KALRN: variants seen among roughly 807,000 people sequenced by gnomAD.
KALRN encodes kalirin RhoGEF kinase, also known as kalirin.
In KALRN, 70 loss-of-function variants were observed where a neutral mutation model predicts 353.7. The observed-to-expected ratio is 0.20, with a 90% CI of 0.16 to 0.24. The LOEUF (loss-of-function observed/expected upper bound fraction) is 0.24, where lower values mean the gene tolerates loss of function less well. KALRN is among the 10% of genes least tolerant of loss of function. The pLI is 1.00. For synonymous variants in KALRN, 1,391 were observed against 1,434.8 expected (o/e 0.97, Z 0.69); for missense variants, 2,791 against 3,756.7 (o/e 0.74, Z 6.72).
chr3:124,671,326 G>A (rs372026060), intron 47 of KALRN, among the ~76,000 whole-genome samples: 10 of 151,886 alleles, frequency 6.6e-5, no homozygotes, highest in East Asian at 3.9e-4. Flanking sequence ...TGTTCCCCTC[G>A]CCAACACGTC....
At chr3:124,579,991 A>G (rs944797827) in intron 34 of KALRN, among the ~76,000 whole-genome samples, 2 of 152,194 alleles carry the variant, frequency 1.3e-5, no homozygotes, top group Non-Finnish European at 2.9e-5. Flanking sequence ...GGTTCCTCAA[A>G]GACAAGTCAA....
At chr3:124,225,662 A>G (rs1296762804) in intron 1 of KALRN, among the ~76,000 whole-genome samples, 1 of 152,176 alleles carries the variant, frequency 6.6e-6, no homozygotes, top group Non-Finnish European at 1.5e-5. Flanking sequence ...GATGGATGAG[A>G]CTTGGAGCTT....
chr3:124,167,575 A>G (rs16835138), intron 1 of KALRN, among the ~76,000 whole-genome samples: 3,310 of 152,332 alleles, frequency 0.022, 110 homozygotes, highest in African/African-American at 0.075. Flanking sequence ...GAAGTGATCA[A>G]CATTCAAACT....
intron 34 of KALRN, among the ~76,000 whole-genome samples, chr3:124,597,766 GT>G (rs1275560391): frequency 6.7e-6 from 1 of 149,360 alleles, no homozygotes; most frequent in East Asian, 2.0e-4. Context: ...TGGAGCTATT[GT>G]TTTGAAATGA....
intron 9 of KALRN, among the ~76,000 whole-genome samples, chr3:124,340,247 C>A (rs2081553274): frequency 6.6e-6 from 1 of 152,104 alleles, no homozygotes; most frequent in East Asian, 1.9e-4. Context: ...TGGGACTGGG[C>A]ACTGTGGTTC....
intron 23 of KALRN, among the ~76,000 whole-genome samples, chr3:124,459,567 A>G (rs534850100): frequency 5.3e-4 from 81 of 152,298 alleles, no homozygotes; most frequent in African/African-American, 1.9e-3. Flanking sequence ...GTCTACCAAC[A>G]TTTCACTCTA....
At chr3:124,679,169 G>A (rs1191789161) in intron 50 of KALRN, among the ~76,000 whole-genome samples, 1 of 152,194 alleles carries the variant, frequency 6.6e-6, no homozygotes, top group Non-Finnish European at 1.5e-5. Flanking sequence ...GGGAAGTCCA[G>A]CCTCACAGAA....
chr3:124,677,803 A>T (rs333348), intron 49 of KALRN, among the ~76,000 whole-genome samples: 95,850 of 152,052 alleles, frequency 0.63, 30,951 homozygotes, highest in African/African-American at 0.77. Context: ...ACTTCCCTTG[A>T]CTTTCCTATT....
At chr3:124,222,900 T>C (rs2078073077) in intron 1 of KALRN, among the ~76,000 whole-genome samples, 1 of 152,134 alleles carries the variant, frequency 6.6e-6, no homozygotes, top group South Asian at 2.1e-4. Context: ...CTACCATGCC[T>C]GGCCTCACCT....
intron 22 of KALRN, among the ~76,000 whole-genome samples, chr3:124,455,910 A>T (rs140994803): frequency 6.6e-6 from 1 of 152,340 alleles, no homozygotes; most frequent in East Asian, 1.9e-4. Context: ...ACAGCCTGGC[A>T]ATTTAATCCT....
intron 58 of KALRN, among the ~76,000 whole-genome samples, chr3:124,713,652 A>G (rs2062997039): frequency 6.6e-6 from 1 of 152,218 alleles, no homozygotes; most frequent in Admixed American, 6.5e-5. Context: ...GACCCCTAGA[A>G]TAGATGTAAT....
intron 10 of KALRN, among the ~76,000 whole-genome samples, chr3:124,371,655 T>G (rs2085854805): frequency 6.6e-6 from 1 of 152,176 alleles, no homozygotes. Flanking sequence ...TTTTACTATG[T>G]TTAAATTTTT....
intron 6 of KALRN, among the ~76,000 whole-genome samples, chr3:124,310,643 C>T (rs888980908): frequency 2.0e-5 from 3 of 152,078 alleles, no homozygotes; most frequent in African/African-American, 7.2e-5. Flanking sequence ...GACAAGAGTG[C>T]CAATATCATT....
At chr3:124,426,962 GAGGAA>G (rs1219772267) in intron 15 of KALRN, among the ~76,000 whole-genome samples, 1 of 152,228 alleles carries the variant, frequency 6.6e-6, no homozygotes, top group Non-Finnish European at 1.5e-5. Flanking sequence ...TCTAAGCTAT[GAGGAA>G]AGAAGTTATA....
intron 32 of KALRN, among the ~76,000 whole-genome samples, chr3:124,495,749 A>AAG (rs1554006468): frequency 3.4e-5 from 5 of 147,236 alleles, no homozygotes; most frequent in East Asian, 2.0e-4. Context: ...AAAAAAAAAA[A>AAG]AAGAAGAAGA....
Position 124,502,146 on chromosome 3 carries a change from TA to T in KALRN, c.4935+5734del, listed in dbSNP as rs992739550. Among the ~76,000 whole-genome samples the T allele has an allele frequency of 1.3e-3, 194 of 152,138 alleles. 1 individual carries two copies. Among genetic ancestry groups the T allele is most frequent in the African/African-American group, 4.5e-3 (187 of 41,524 alleles). On this transcript the variant is annotated intron_variant, in intron 33 of 59. Transcript: ENST00000682506. The stretch of plus-strand genomic sequence containing the variant: ...AAAGCAAAACAAAACAAAAACAGAA[TA>T]GGGATGGAGTTAGGACAACTCAAAG...
At chr3:124,465,525 A>G (rs1361197319) in intron 25 of KALRN, among the ~76,000 whole-genome samples, 1 of 152,184 alleles carries the variant, frequency 6.6e-6, no homozygotes, top group Non-Finnish European at 1.5e-5. Context: ...CCCCATCACT[A>G]CAAGAACCAT....
intron 6 of KALRN, among the ~76,000 whole-genome samples, chr3:124,314,164 G>A (rs1474606784): frequency 2.0e-5 from 3 of 152,060 alleles, no homozygotes; most frequent in African/African-American, 7.2e-5. Context: ...GGAATACTAG[G>A]CGGCCATAAA....
Position 124,438,896 on chromosome 3 carries a change from T to C in KALRN, c.3057T>C (p.Ser1019=), listed in dbSNP as rs1576939231. The C allele has an allele frequency of 3.1e-6, 5 of 1,612,774 alleles. No homozygotes were observed. In the East Asian group the frequency reaches 1.1e-4, roughly 36 times the overall value. Residue 1019 remains serine (S), a synonymous_variant, in exon 18 of 60, where the codon AGT becomes AGC. Coordinates refer to ENST00000682506, the MANE Select transcript of KALRN (RefSeq NM_001388419.1). The part of the protein sequence containing the change: ...AFYKTSEQVC[S]VLESLEQEYR... ...CTTCCATGATTCACTAGGTGTGTAG[T>C]GTCCTGGAGAGCTTAGAGCAAGAAT...
Sources: gnomAD v4.1 joint callset for allele counts (sites outside exome capture counted in the v4.1 genomes callset) on GRCh38, gnomAD v4.1.1 for gene constraint, MANE v1.5 for transcripts, NCBI Gene and HGNC (gene_info 2026-07-23, HGNC 2026-07-21) for gene names.